The following STARD9 variants were observed in gnomAD, a reference collection of about 807,000 sequenced individuals.
The protein encoded by STARD9 is StAR related lipid transfer domain containing 9.
In STARD9, 346 loss-of-function variants were observed where a neutral mutation model predicts 399.8. The ratio of observed to expected loss-of-function variants is 0.87; its 90% CI spans 0.79 to 0.95. STARD9 has a LOEUF of 0.95. Among genes scored for constraint, STARD9 ranks in the 40% least tolerant of loss-of-function variants. The pLI, the probability that STARD9 is intolerant of heterozygous loss-of-function variation, is 0.00. For missense variants in STARD9, 5,832 were observed against 5,667.5 expected (o/e 1.03, Z -0.93); for synonymous variants, 2,203 against 2,143.5 (o/e 1.03, Z -0.77).
intron 3 of STARD9, among the ~76,000 whole-genome samples, chr15:42,618,788 G>A (rs1331556466): frequency 6.6e-6 from 1 of 151,750 alleles, no homozygotes; most frequent in Non-Finnish European, 1.5e-5. Flanking sequence ...TTAGAGATGG[G>A]GTTTCACCAT....
chr15:42,625,985 G>A (rs890101530), intron 3 of STARD9, among the ~76,000 whole-genome samples: 1 of 152,020 alleles, frequency 6.6e-6, no homozygotes, highest in Non-Finnish European at 1.5e-5. Flanking sequence ...ACAGTGGTGC[G>A]ATATCGGCTC....
chr15:42,609,372 G>A (rs1293874889), intron 3 of STARD9, among the ~76,000 whole-genome samples: 1 of 151,962 alleles, frequency 6.6e-6, no homozygotes, highest in Non-Finnish European at 1.5e-5. Flanking sequence ...CAGAAGAGAC[G>A]GTATGGTCAA....
Position 42,718,175 on chromosome 15 carries a change from C to G in STARD9, c.13758C>G (p.Ser4586Arg). 1 of 1,536,518 alleles carries G rather than the reference C, an allele frequency of 6.5e-7. No homozygotes were observed. Among genetic ancestry groups the G allele is most frequent in the Non-Finnish European group, 8.7e-7 (1 of 1,146,704 alleles). The change falls in exon 30 of 33, where the codon AGC becomes AGG. Residue 4586 changes from serine to arginine, a missense_variant. By Grantham distance (110) the Ser-to-Arg change is moderately radical (BLOSUM62 -1). Around this residue, in one of 2 missense-constraint regions of STARD9, gnomAD observed 5,828 missense variants for 5,651.1 expected, o/e 1.03. Coordinates refer to ENST00000290607, the MANE Select transcript of STARD9 (RefSeq NM_020759.3). The stretch of plus-strand genomic sequence containing the variant: ...ATCAGCGAGTGACCAACAGCATCAG[C>G]CTGGGTGAGCCCAGGGAAGGAAGGC... Reference protein sequence around the residue: ...RLHQRVTNSISLVYLVCNTTL... With the variant: ...RLHQRVTNSIRLVYLVCNTTL...
rs1342938697 is a variant in STARD9, at chr15:42,685,042, G to C, written c.3464G>C (p.Arg1155Thr). 1 of 1,537,088 alleles carries C rather than the reference G, an allele frequency of 6.5e-7. No homozygotes were observed. The highest frequency in any genetic ancestry group is 2.0e-5 in the Admixed American group (1 of 50,974). ...TCTGAGGACTCACTGGCTGAGAAGAGGTACCAAAGCCCCAAAAACAGGCTA... is the reference window on the plus strand; with the variant it reads ...TCTGAGGACTCACTGGCTGAGAAGACGTACCAAAGCCCCAAAAACAGGCTA... ...QLSEDSLAEK[R>T]YQSPKNRLGG... is the part of the protein sequence containing the mutation. The change falls in exon 23 of 33, where the codon AGG becomes ACG. Residue 1155 changes from arginine (R) to threonine (T), a missense_variant. Physicochemically the swap from Arg to Thr is moderately conservative, Grantham distance 71 (BLOSUM62 -1). Coordinates refer to ENST00000290607, the MANE Select transcript of STARD9 (RefSeq NM_020759.3).
intron 3 of STARD9, among the ~76,000 whole-genome samples, chr15:42,587,819 C>G (rs1253685291): frequency 6.6e-6 from 1 of 152,156 alleles, no homozygotes; most frequent in South Asian, 2.1e-4. Context: ...CTCACCTCAG[C>G]CTCCTAAAGT....
At position 42,674,469 on chromosome 15, in the gene STARD9, C is replaced by T. The variant is rs1053485241; in HGVS notation, c.1527C>T (p.Asp509=). Residue 509 remains aspartate (D), a synonymous_variant, in exon 17 of 33, where the codon GAC becomes GAT. Transcript: ENST00000290607. ...KEGTTKIGRI[D]SDQEQDIVLQ... The stretch of plus-strand genomic sequence containing the variant: ...GGACAACAAAAATAGGAAGGATTGA[C>T]TCAGACCAGGAACAGGACATTGGTA... 6.5e-7 allele frequency: 1 copy of T among 1,537,146 alleles called. No homozygotes were observed. The highest frequency in any genetic ancestry group is 8.7e-7 in the Non-Finnish European group (1 of 1,146,814).
In STARD9 at chr15:42,595,367, T is replaced by C. The variant is rs117112275; in HGVS notation, c.234+9730T>C. ...GGACGCAGCAATCAAACCTTGACTA[T>C]GTGACTCCATGGTCCAAGCTCTCGC... On this transcript the variant is annotated intron_variant, in intron 3 of 32. Transcript: ENST00000290607. 5.0e-3 allele frequency among the ~76,000 whole-genome samples: 755 copies of C among 152,334 alleles called. 1 individual carries two copies. Among genetic ancestry groups the C allele is most frequent in the Non-Finnish European group, 8.6e-3 (583 of 68,028 alleles).
At chr15:42,639,191 G>A (rs576093418) in intron 7 of STARD9, among the ~76,000 whole-genome samples, 116 of 152,338 alleles carry the variant, frequency 7.6e-4, no homozygotes, top group African/African-American at 2.4e-3. Flanking sequence ...ATGACGTAAC[G>A]TGGTGAGAAG....
At position 42,688,639 on chromosome 15, in the gene STARD9, G is replaced by A; in HGVS notation, c.7061G>A (p.Gly2354Asp). The change falls in exon 23 of 33, where the codon GGC becomes GAC. Residue 2354 changes from glycine to aspartate, a missense_variant. Physicochemically the swap from Gly to Asp is moderately conservative, Grantham distance 94. Coordinates refer to ENST00000290607, the MANE Select transcript of STARD9 (RefSeq NM_020759.3). Reference sequence around the variant, plus strand: ...TGTCTTCATGTACCTGTTGCTCTAGGCATCTCTTCACTTGACTGTGTGCTG... The same window carrying A: ...TGTCTTCATGTACCTGTTGCTCTAGACATCTCTTCACTTGACTGTGTGCTG... ...RRCLHVPVAL[G>D]ISSLDCVLDL... 1 of 1,537,558 alleles carries A rather than the reference G, an allele frequency of 6.5e-7. No homozygotes were observed. The highest frequency in any genetic ancestry group is 8.7e-7 in the Non-Finnish European group (1 of 1,147,002).
chr15:42,615,220 G>A (rs2058938085), intron 3 of STARD9, among the ~76,000 whole-genome samples: 1 of 152,092 alleles, frequency 6.6e-6, no homozygotes, highest in South Asian at 2.1e-4. Context: ...ATGTTGGCCA[G>A]TCTGGTCTCA....
At chr15:42,674,014 G>T (rs2140160452) in intron 16 of STARD9, 1 of 457,412 alleles carries the variant, frequency 2.2e-6, no homozygotes, top group Admixed American at 2.3e-5. Context: ...GTTTGATTGA[G>T]ACTTACTGGA....
chr15:42,648,092 G>C (rs1399258748), intron 7 of STARD9, among the ~76,000 whole-genome samples: 1 of 152,110 alleles, frequency 6.6e-6, no homozygotes, highest in African/African-American at 2.4e-5. Flanking sequence ...TTATCTCTGA[G>C]TGCCTTCTAC....
intron 11 of STARD9, 39 bp from the exon 12 acceptor site, chr15:42,663,242 A>G: frequency 6.7e-7 from 1 of 1,486,548 alleles, no homozygotes; most frequent in Non-Finnish European, 9.0e-7. Flanking sequence ...TTGCTTCATA[A>G]TTCCTTCTTT....
Position 42,678,196 on chromosome 15 carries a change from G to A in STARD9, c.1874+2221G>A, listed in dbSNP as rs553071520. Among the ~76,000 whole-genome samples, 39 of 152,352 alleles carry A rather than the reference G, an allele frequency of 2.6e-4. 1 individual carries two copies. In the South Asian group the frequency reaches 5.8e-3, roughly 23 times the overall value. On this transcript the variant is annotated intron_variant, in intron 20 of 32. Transcript: ENST00000290607. ...TGATTGGGCAAAGGGACCAGGGAGA[G>A]GAACCTGCACGACTAGAGAAAAATA...
chr15:42,690,923 T>G lies in STARD9; in HGVS notation c.9345T>G (p.Phe3115Leu), dbSNP rs2140277454. 1 of 1,537,160 alleles carries G rather than the reference T, an allele frequency of 6.5e-7. No homozygotes were observed. The change falls in exon 23 of 33, where the codon TTT (phenylalanine) becomes TTG (leucine). Residue 3115 changes from phenylalanine (F) to leucine (L), a missense_variant. Coordinates refer to ENST00000290607, the MANE Select transcript of STARD9 (RefSeq NM_020759.3). ...AGMYSEPLRQ[F>L]RDSSVGDQNA... ...TGTACTCTGAGCCCCTGAGGCAGTT[T>G]AGGGACAGCTCTGTAGGTGACCAGA...
chr15:42,693,411 A>C lies in STARD9; in HGVS notation c.11833A>C (p.Arg3945=). The change falls in exon 23 of 33, where the codon AGG becomes CGG. Residue 3945 remains arginine (R), a synonymous_variant. Coordinates refer to ENST00000290607, the MANE Select transcript of STARD9 (RefSeq NM_020759.3). ...CAGCCCAGACCCTGTTGATGCCCCAAGGACTCCAATGGATAATTATTCCCA... is the reference window on the plus strand; with the variant it reads ...CAGCCCAGACCCTGTTGATGCCCCACGGACTCCAATGGATAATTATTCCCA... ...DSSPDPVDAP[R]TPMDNYSQTT... is the part of the protein sequence containing the mutation. The C allele has an allele frequency of 2.0e-6, 3 of 1,537,190 alleles. No homozygotes were observed. The highest frequency in any genetic ancestry group is 1.4e-5 in the African/African-American group (1 of 73,168).
intron 26 of STARD9, among the ~76,000 whole-genome samples, chr15:42,711,361 C>CTG (rs2061220146): frequency 6.6e-6 from 1 of 152,026 alleles, no homozygotes; most frequent in African/African-American, 2.4e-5. Flanking sequence ...GGCTGGTCTC[C>CTG]AACTCCTGAC....
intron 1 of STARD9, among the ~76,000 whole-genome samples, chr15:42,577,375 G>C (rs894836093): frequency 6.6e-6 from 1 of 152,064 alleles, no homozygotes; most frequent in Admixed American, 6.5e-5. Flanking sequence ...GGATGGTCTC[G>C]ATCTCCTGAC....
chr15:42,641,855 C>T (rs1161891534), intron 7 of STARD9, among the ~76,000 whole-genome samples: 1 of 151,976 alleles, frequency 6.6e-6, no homozygotes, highest in African/African-American at 2.4e-5. Context: ...CCACCTGCCT[C>T]GGCCTCCCAA....
Sources: allele counts gnomAD v4.1 joint callset (sites outside exome capture counted in the v4.1 genomes callset), GRCh38; gene constraint gnomAD v4.1.1; regional missense constraint gnomAD v4.1.1; transcripts MANE v1.5; gene names NCBI Gene and HGNC (gene_info 2026-07-23, HGNC 2026-07-21).